The following MPP7 variants were observed in gnomAD, a reference collection of about 807,000 sequenced individuals.
MPP7 encodes MAGUK p55 scaffold protein 7, also known as MAGUK p55 subfamily member 7.
Under a neutral mutation model 76.5 loss-of-function variants are expected in MPP7, and 60 were observed. The observed-to-expected ratio is 0.78, with a 90% CI of 0.64 to 0.97. MPP7 has a LOEUF of 0.97. Ranked by LOEUF, MPP7 falls within the 50% of genes least tolerant of loss-of-function variation. MPP7 has a pLI of 0.00. For synonymous variants in MPP7, 237 were observed against 244.5 expected (o/e 0.97, Z 0.29); for missense variants, 641 against 694.0 (o/e 0.92, Z 0.86).
At position 28,051,177 on chromosome 10, in the gene MPP7, T is replaced by A. The variant is rs1156880666; in HGVS notation, c.*2888A>T. The stretch of plus-strand genomic sequence containing the variant: ...ACAATTTTCAAGTAAGTACACACAC[T>A]GTTTGAAGGTACTTTATTAAGATCA... On this transcript the variant is annotated 3_prime_UTR_variant, in exon 17 of 17. Coordinates refer to ENST00000683449, the MANE Select transcript of MPP7 (RefSeq NM_001318170.2). 1 of 152,182 alleles carries A rather than the reference T, an allele frequency of 6.6e-6. No individual in the cohort carries two copies. Among genetic ancestry groups the A allele is most frequent in the Non-Finnish European group, 1.5e-5 (1 of 68,022 alleles). 9.4% of individuals were successfully genotyped at this position (152,182 alleles called of 1,614,324 possible). A position where few individuals can be genotyped will look rare whatever the true frequency, so the allele number is the denominator to read the frequency against.
intron 11 of MPP7, among the ~76,000 whole-genome samples, chr10:28,109,865 A>AAAACAAAAC (rs1834446516): frequency 6.7e-6 from 1 of 149,258 alleles, no homozygotes; most frequent in East Asian, 2.0e-4. Flanking sequence ...AAAAAAAAAA[A>AAAACAAAAC]AAAAAAAACA....
intron 2 of MPP7, among the ~76,000 whole-genome samples, chr10:28,316,562 A>T (rs552729392): frequency 6.6e-6 from 1 of 152,044 alleles, no homozygotes; most frequent in African/African-American, 2.4e-5. Context: ...GCACCACAGC[A>T]ATATGTTTAT....
intron 2 of MPP7, among the ~76,000 whole-genome samples, chr10:28,207,381 C>A (rs1456727954): frequency 6.6e-6 from 1 of 151,954 alleles, no homozygotes; most frequent in Non-Finnish European, 1.5e-5. Context: ...AAAGATGAGA[C>A]CAATCATTGA....
At chr10:28,189,012 G>A (rs73608063) in intron 3 of MPP7, among the ~76,000 whole-genome samples, 3,509 of 58,068 alleles carry the variant, frequency 0.06, 131 homozygotes, top group African/African-American at 0.2. Context: ...TCAGACCCTC[G>A]GATCTACACA....
chr10:28,278,296 A>G (rs1269332952), intron 1 of MPP7, among the ~76,000 whole-genome samples: 1 of 152,094 alleles, frequency 6.6e-6, no homozygotes, highest in African/African-American at 2.4e-5. Context: ...TACCCACTGC[A>G]TTATCTTCGC....
At chr10:28,164,208 T>C (rs1385919950) in intron 3 of MPP7, among the ~76,000 whole-genome samples, 1 of 152,098 alleles carries the variant, frequency 6.6e-6, no homozygotes, top group Non-Finnish European at 1.5e-5. Context: ...ACCGACTGTC[T>C]GCAGTTTGAG....
At chr10:28,139,658 T>G (rs950225277) in intron 5 of MPP7, among the ~76,000 whole-genome samples, 8 of 152,168 alleles carry the variant, frequency 5.3e-5, no homozygotes, top group Non-Finnish European at 1.2e-4. Flanking sequence ...TCACAATGAT[T>G]AAAGAGATAA....
In MPP7 at chr10:28,099,051, CT is replaced by C. The variant is rs560758510; in HGVS notation, c.953-9211del. On this transcript the variant is annotated intron_variant, in intron 11 of 16. Coordinates refer to ENST00000683449, the MANE Select transcript of MPP7 (RefSeq NM_001318170.2). ...ATTTCAATGTAAACTTATAATGTAC[CT>C]ATATTTGTAATTTTAATGATCTCAC... Among the ~76,000 whole-genome samples, 7 of 152,194 alleles carry C rather than the reference CT, an allele frequency of 4.6e-5. No individual in the cohort carries two copies. In the East Asian group the frequency reaches 1.4e-3, roughly 29 times the overall value.
rs374943303 is a variant in MPP7 at position 28,172,524 on chromosome 10, T to C, written c.157-22465A>G. Among the ~76,000 whole-genome samples, 17 of 152,290 alleles carry C rather than the reference T, an allele frequency of 1.1e-4. No individual in the cohort carries two copies. The South Asian group carries it at 3.1e-3, about 28-fold the overall frequency. On this transcript the variant is annotated intron_variant, in intron 3 of 16. Coordinates refer to ENST00000683449, the MANE Select transcript of MPP7 (RefSeq NM_001318170.2). ...AAGACTCTACTACACCGACTCAGACTGTGGGTGTAAGAAATATTTGACAAT... is the reference window on the plus strand; with the variant it reads ...AAGACTCTACTACACCGACTCAGACCGTGGGTGTAAGAAATATTTGACAAT...
At chr10:28,315,783 A>G (rs1289796407) in intron 2 of MPP7, among the ~76,000 whole-genome samples, 1 of 152,144 alleles carries the variant, frequency 6.6e-6, no homozygotes, top group African/African-American at 2.4e-5. Flanking sequence ...AGAGTATAAC[A>G]CAGAAAGGTG....
At chr10:28,091,072 A>C (rs1020043300) in intron 11 of MPP7, among the ~76,000 whole-genome samples, 3 of 152,084 alleles carry the variant, frequency 2.0e-5, no homozygotes, top group Admixed American at 1.3e-4. Context: ...GCTTGAACTC[A>C]GGAGACAGAG....
intron 3 of MPP7, among the ~76,000 whole-genome samples, chr10:28,191,009 A>G (rs1837395732): frequency 6.6e-6 from 1 of 152,186 alleles, no homozygotes; most frequent in Admixed American, 6.5e-5. Flanking sequence ...GAACAATTCT[A>G]TGCCCTCAAA....
intron 3 of MPP7, among the ~76,000 whole-genome samples, chr10:28,171,312 G>A (rs1367406745): frequency 1.3e-5 from 2 of 152,134 alleles, no homozygotes; most frequent in African/African-American, 4.8e-5. Context: ...GAAAATTAAT[G>A]AAAACCAGAA....
intron 3 of MPP7, among the ~76,000 whole-genome samples, chr10:28,158,789 G>A (rs972312533): frequency 3.3e-5 from 5 of 152,208 alleles, no homozygotes; most frequent in Non-Finnish European, 7.3e-5. Flanking sequence ...GCCATGCACT[G>A]TAAGAGAAAT....
chr10:28,057,957 T>C, intron 15 of MPP7: 1 of 969,136 alleles, frequency 1.0e-6, no homozygotes, highest in Non-Finnish European at 1.3e-6. Flanking sequence ...AGAATGTTCA[T>C]AATGGAGTTT....
At chr10:28,245,270 A>G (rs886444258) in intron 1 of MPP7, among the ~76,000 whole-genome samples, 1 of 152,096 alleles carries the variant, frequency 6.6e-6, no homozygotes, top group African/African-American at 2.4e-5. Context: ...GCATTCCCTT[A>G]AGTCCTCTCT....
intron 1 of MPP7, among the ~76,000 whole-genome samples, chr10:28,298,367 T>C (rs925828999): frequency 6.6e-6 from 1 of 152,236 alleles, no homozygotes; most frequent in Non-Finnish European, 1.5e-5. Flanking sequence ...TGTTAGCAGG[T>C]ATGAAAACAT....
At chr10:28,206,595 T>C (rs12360496) in intron 2 of MPP7, among the ~76,000 whole-genome samples, 3,473 of 152,260 alleles carry the variant, frequency 0.023, 136 homozygotes, top group African/African-American at 0.079. Context: ...CACTTGCATA[T>C]TTCATGAAAT....
At position 28,213,809 on chromosome 10, in the gene MPP7, AAGAGAGAG is replaced by A. The variant is rs1211589640; in HGVS notation, c.38-11546_38-11539del. ...TCTGTCTCAAAAAAAAAAAAAAAAA[AAGAGAGAG>A]AGAGAGAGAGAGAAGGTTGGTCAGA... On this transcript the variant is annotated intron_variant, in intron 2 of 16. Transcript: ENST00000683449. Among the ~76,000 whole-genome samples the A allele has an allele frequency of 3.6e-4, 49 of 136,530 alleles. No individual in the cohort carries two copies. The South Asian group carries it at 4.7e-3, about 13-fold the overall frequency. The allele number at this position is 136,530 out of a possible 152,430, so 89.6% of individuals were successfully genotyped here.
Sources: gnomAD v4.1 joint callset for allele counts (sites outside exome capture counted in the v4.1 genomes callset) on GRCh38, gnomAD v4.1.1 for gene constraint, MANE v1.5 for transcripts, NCBI Gene and HGNC (gene_info 2026-07-23, HGNC 2026-07-21) for gene names.